CHST6: variants seen among roughly 807,000 people sequenced by gnomAD.
CHST6 encodes carbohydrate sulfotransferase 6, also known as N-acetylglucosamine 6-O-sulfotransferase 5.
For missense variants in CHST6, 698 were observed against 586.2 expected (o/e 1.19, Z -1.97); for synonymous variants, 309 against 276.4 (o/e 1.12, Z -1.17).
rs79173362 is a variant in CHST6, at chr16:75,478,823, C to A, written c.1006G>T (p.Ala336Ser). ...CGGCGGATCTTGGCAAAGGGCAGCG[C>A]ATGGCGCCAGGCCTGGGAGACGTTG... is the stretch of plus-strand genomic sequence containing the variant. ...ALNVSQAWRH[A>S]LPFAKIRRVQ... The change falls in exon 3 of 3, where the codon GCG becomes TCG. Residue 336 changes from alanine to serine, a missense_variant. Transcript: ENST00000332272. 1 of 1,613,352 alleles carries A rather than the reference C, an allele frequency of 6.2e-7. No homozygotes were observed. Among genetic ancestry groups the A allele is most frequent in the African/African-American group, 1.3e-5 (1 of 74,952 alleles).
intron 1 of CHST6, 22 bp downstream of exon 1, chr16:75,494,918 G>A (rs1306681161): frequency 6.6e-6 from 1 of 152,486 alleles, no homozygotes; most frequent in Admixed American, 6.5e-5. Context: ...CATCCCCCGC[G>A]GAGAATGAAG....
rs370335460 is a variant in CHST6, at chr16:75,479,677, G to A, written c.152C>T (p.Ser51Leu). 10 of 1,612,244 alleles carry A rather than the reference G, an allele frequency of 6.2e-6. No homozygotes were observed. Among genetic ancestry groups the A allele is most frequent in the Non-Finnish European group, 8.5e-6 (10 of 1,179,594 alleles). ...GAGTTGGCCCACGAAGGACGAGCCC[G>A]AGCGCCACGAGGACAGCACCAGCAC... ...VHVLVLSSWR[S>L]GSSFVGQLFN... The change falls in exon 3 of 3, where the codon TCG (serine) becomes TTG (leucine). Residue 51 changes from serine (S) to leucine (L), a missense_variant. Physicochemically the swap from Ser to Leu is moderately radical, Grantham distance 145. Transcript: ENST00000332272.
At chr16:75,481,941 C>T (rs2080146565) in intron 1 of CHST6, 50 bp from the exon 2 acceptor site, 2 of 440,378 alleles carry the variant, frequency 4.5e-6, no homozygotes, top group Admixed American at 2.6e-5. Context: ...GGAAGATAGC[C>T]CCAAAAGCGA....
At chr16:75,486,084 A>G (rs2080194320) in intron 1 of CHST6, among the ~76,000 whole-genome samples, 1 of 152,130 alleles carries the variant, frequency 6.6e-6, no homozygotes, top group African/African-American at 2.4e-5. Context: ...AACAAGCTCC[A>G]TCTCTCCCAA....
At chr16:75,483,004 C>T (rs2080159112) in intron 1 of CHST6, among the ~76,000 whole-genome samples, 1 of 152,236 alleles carries the variant, frequency 6.6e-6, no homozygotes, top group East Asian at 1.9e-4. Flanking sequence ...GCCAATGGGG[C>T]GCCGAAAGAG....
At chr16:75,480,396 G>A (rs2080127029) in intron 2 of CHST6, among the ~76,000 whole-genome samples, 1 of 152,076 alleles carries the variant, frequency 6.6e-6, no homozygotes, top group Admixed American at 6.6e-5. Flanking sequence ...ATCGCCCCGT[G>A]ACTCAGTTTA....
At position 75,480,942 on chromosome 16, in the gene CHST6, A is replaced by AAAAAG. The variant is rs1555501065; in HGVS notation, c.-17+870_-17+874dup. 1.8e-3 allele frequency among the ~76,000 whole-genome samples: 216 copies of AAAAAG among 118,002 alleles called. 1 individual carries two copies. Among genetic ancestry groups the AAAAAG allele is most frequent in the Non-Finnish European group, 2.1e-3 (124 of 58,778 alleles). The allele number at this position is 118,002 out of a possible 152,430, so 77.4% of individuals were successfully genotyped here. A position where few individuals can be genotyped will look rare whatever the true frequency, so the allele number is the denominator to read the frequency against. On this transcript the variant is annotated intron_variant, in intron 2 of 2. Transcript: ENST00000332272. ...AACTTCATTCCAAAAAAAAAAAAAA[A>AAAAAG]AAAAGAAAAGAAAAGAAAAGAAGCA...
At position 75,479,686 on chromosome 16, in the gene CHST6, G is replaced by A. The variant is rs1278308755; in HGVS notation, c.143C>T (p.Ser48Leu). Residue 48 changes from serine (S) to leucine (L), a missense_variant, in exon 3 of 3, where the codon TCG (serine) becomes TTG (leucine). Physicochemically the swap from Ser to Leu is moderately radical, Grantham distance 145. Transcript: ENST00000332272. The stretch of plus-strand genomic sequence containing the variant: ...CACGAAGGACGAGCCCGAGCGCCAC[G>A]AGGACAGCACCAGCACATGCACGCG... ...EARVHVLVLSSWRSGSSFVGQ... is the reference protein window; with the variant it reads ...EARVHVLVLSLWRSGSSFVGQ... 6 of 1,612,244 alleles carry A rather than the reference G, an allele frequency of 3.7e-6. No individual in the cohort carries two copies. Among genetic ancestry groups the A allele is most frequent in the Middle Eastern group, 1.7e-4 (1 of 6,058 alleles).
chr16:75,484,459 C>T (rs981561751), intron 1 of CHST6, among the ~76,000 whole-genome samples: 1 of 152,236 alleles, frequency 6.6e-6, no homozygotes, highest in Non-Finnish European at 1.5e-5. Flanking sequence ...CCTTTCCCAT[C>T]CTGGAAGGCC....
chr16:75,474,939 G>C lies in CHST6; in HGVS notation c.*3702C>G, dbSNP rs551851322. 5.7e-6 allele frequency: 2 copies of C among 353,828 alleles called. No homozygotes were observed. The highest frequency in any genetic ancestry group is 4.2e-5 in the African/African-American group (2 of 47,766). 21.9% of individuals were successfully genotyped at this position (353,828 alleles called of 1,614,324 possible). The stretch of plus-strand genomic sequence containing the variant: ...GCCTCCCAAGTAGCTGGCCTTACAG[G>C]CATGTGCCACCACACCTGGCTAATT... On this transcript the variant is annotated 3_prime_UTR_variant, in exon 3 of 3. Coordinates refer to ENST00000332272, the MANE Select transcript of CHST6 (RefSeq NM_021615.5).
rs537587631 is a variant in CHST6, at chr16:75,474,982, A to T, written c.*3659T>A. 618 of 274,884 alleles carry T rather than the reference A, an allele frequency of 2.2e-3. 5 individuals carry two copies. Among genetic ancestry groups the T allele is most frequent in the African/African-American group, 0.012 (532 of 45,904 alleles). 17.0% of individuals were successfully genotyped at this position (274,884 alleles called of 1,614,324 possible). Reference sequence around the variant, plus strand: ...GGCTAATTTTTGTATTTTAACTAGAAATGGTGTTTTACCTTGTTGGCCAGG... The same window carrying T: ...GGCTAATTTTTGTATTTTAACTAGATATGGTGTTTTACCTTGTTGGCCAGG... On this transcript the variant is annotated 3_prime_UTR_variant, in exon 3 of 3. Transcript: ENST00000332272.
chr16:75,484,790 G>C (rs1195272363), intron 1 of CHST6, among the ~76,000 whole-genome samples: 1 of 152,130 alleles, frequency 6.6e-6, no homozygotes, highest in East Asian at 1.9e-4. Flanking sequence ...GTTGCAGTGA[G>C]CTGAGATTGC....
At chr16:75,479,938 C>A in intron 2 of CHST6, 94 bp from the exon 3 acceptor site, 4 of 1,017,180 alleles carry the variant, frequency 3.9e-6, no homozygotes, top group African/African-American at 1.6e-5. Flanking sequence ...ATTCTACCAC[C>A]AGACCCGAGC....
chr16:75,479,968 C>G, intron 2 of CHST6, 124 bp from the exon 3 acceptor site: 1 of 793,248 alleles, frequency 1.3e-6, no homozygotes, highest in South Asian at 1.7e-5. Flanking sequence ...ACATGATGGT[C>G]TCAGTGGGGA....
rs756955600 is a variant in CHST6, at chr16:75,478,915, T to C, written c.914A>G (p.Asn305Ser). The C allele has an allele frequency of 8.7e-6, 14 of 1,612,982 alleles. No homozygotes were observed. The African/African-American group carries it at 1.7e-4, about 20-fold the overall frequency. ...ACCAGGTCCAGATCCGTGGGTGATG[T>C]TATGGATCCAGGCCTCGAGCTGTGG... The part of the protein sequence containing the change: ...LTPQLEAWIH[N>S]ITHGSGPGAR... Residue 305 changes from asparagine (N) to serine (S), a missense_variant, in exon 3 of 3, where the codon AAC becomes AGC. Physicochemically the swap from Asn to Ser is conservative, Grantham distance 46 (BLOSUM62 1). Transcript: ENST00000332272.
At chr16:75,494,349 C>T (rs2080287709) in intron 1 of CHST6, among the ~76,000 whole-genome samples, 1 of 152,186 alleles carries the variant, frequency 6.6e-6, no homozygotes, top group Admixed American at 6.5e-5. Flanking sequence ...CTCAGAGGCC[C>T]TGGTACTTGG....
intron 1 of CHST6, among the ~76,000 whole-genome samples, chr16:75,491,196 T>A (rs1448818106): frequency 0.03 from 2,646 of 88,902 alleles, 78 homozygotes; most frequent in Non-Finnish European, 0.046. Flanking sequence ...AAAAAATATA[T>A]ATATATATAT....
intron 1 of CHST6, among the ~76,000 whole-genome samples, chr16:75,490,336 G>A (rs955609910): frequency 6.6e-6 from 1 of 152,034 alleles, no homozygotes; most frequent in Admixed American, 6.6e-5. Flanking sequence ...AAATTAGCCA[G>A]GCATGGTGGC....
intron 1 of CHST6, among the ~76,000 whole-genome samples, chr16:75,491,102 T>C (rs1042025364): frequency 3.5e-5 from 5 of 140,998 alleles, no homozygotes; most frequent in Admixed American, 1.5e-4. Context: ...AAGGCAGAGT[T>C]TGCAGTGAGC....
Sources: gnomAD v4.1 joint callset for allele counts (sites outside exome capture counted in the v4.1 genomes callset) on GRCh38, gnomAD v4.1.1 for gene constraint, MANE v1.5 for transcripts, NCBI Gene and HGNC (gene_info 2026-07-23, HGNC 2026-07-21) for gene names.